Variants in TOM1 observed in about 807,000 individuals in gnomAD.
TOM1 encodes target of myb1 membrane trafficking protein.
TOM1 carries 38 observed loss-of-function variants against 61.3 expected under a neutral mutation model. The observed-to-expected ratio is 0.62, with a 90% CI of 0.48 to 0.81. TOM1 has a LOEUF of 0.81. Among genes scored for constraint, TOM1 ranks in the 40% least tolerant of loss-of-function variants. TOM1 has a pLI of 0.00. For synonymous variants in TOM1, 270 were observed against 268.8 expected, an observed-to-expected ratio of 1.00 and a Z score of -0.04; for missense variants, 591 against 659.6, an observed-to-expected ratio of 0.90 and a Z score of 1.14.
chr22:35,317,844 C>T lies in TOM1; in HGVS notation c.53-33C>T, dbSNP rs1927437189. 9 of 1,581,494 alleles carry T rather than the reference C, an allele frequency of 5.7e-6. No homozygotes were observed. The East Asian group carries it at 2.0e-4, about 35-fold the overall frequency. ...TTTGAGTTTACCCATTCAGGACCCC[C>T]TCATGACTTTATGACTCCTGGTTTC... On this transcript the variant is annotated intron_variant, in intron 1 of 14. Coordinates refer to ENST00000449058, the MANE Select transcript of TOM1 (RefSeq NM_005488.3).
At chr22:35,301,538 T>C (rs978814005) in intron 1 of TOM1, among the ~76,000 whole-genome samples, 11 of 152,222 alleles carry the variant, frequency 7.2e-5, no homozygotes, top group African/African-American at 2.7e-4. Flanking sequence ...GTGAAATTAC[T>C]CTTCATCTTT....
chr22:35,343,784 CCA>C lies in TOM1; in HGVS notation c.1225-1935_1225-1934del, dbSNP rs1324097101. ...ACCTACACATACACACCTACACACA[CCA>C]CACACCTACACCTACCCACACCTAC... is the stretch of plus-strand genomic sequence containing the variant. On this transcript the variant is annotated intron_variant, in intron 12 of 14. Coordinates refer to ENST00000449058, the MANE Select transcript of TOM1 (RefSeq NM_005488.3). Among the ~76,000 whole-genome samples the C allele has an allele frequency of 1.0e-4, 13 of 130,116 alleles. 1 individual carries two copies. The East Asian group carries it at 3.8e-3, about 38-fold the overall frequency. 85.4% of individuals were successfully genotyped at this position (130,116 alleles called of 152,430 possible).
At chr22:35,343,138 C>A (rs13057766) in intron 12 of TOM1, among the ~76,000 whole-genome samples, 1 of 133,050 alleles carries the variant, frequency 7.5e-6, no homozygotes, top group African/African-American at 2.9e-5. Flanking sequence ...ACACACACAT[C>A]TACACCCACC....
intron 1 of TOM1, among the ~76,000 whole-genome samples, chr22:35,315,569 G>A (rs73170200): frequency 6.6e-6 from 1 of 152,326 alleles, no homozygotes; most frequent in Non-Finnish European, 1.5e-5. Flanking sequence ...TCTCAGCCCT[G>A]TCAGAGGAGC....
At chr22:35,335,984 G>C (rs1406965347) in intron 11 of TOM1, among the ~76,000 whole-genome samples, 1 of 152,186 alleles carries the variant, frequency 6.6e-6, no homozygotes, top group Non-Finnish European at 1.5e-5. Flanking sequence ...TCTTCACACA[G>C]GGAAGGGGGC....
Position 35,317,877 on chromosome 22 carries a change from A to G in TOM1, c.53A>G (p.Glu18Gly). 1.9e-6 allele frequency: 3 copies of G among 1,613,950 alleles called. No individual in the cohort carries two copies. Among genetic ancestry groups the G allele is most frequent in the Non-Finnish European group, 1.7e-6 (2 of 1,179,884 alleles). Reference sequence around the variant, plus strand: ...TTTATGACTCCTGGTTTCTTCTCAGAGAAAGCCACAGATGGCTCCCTGCAG... The same window carrying G: ...TTTATGACTCCTGGTTTCTTCTCAGGGAAAGCCACAGATGGCTCCCTGCAG... ...PFSSPVGQRI[E>G]KATDGSLQSE... is the part of the protein sequence containing the mutation. Residue 18 changes from glutamate to glycine, a missense_variant and splice_region_variant, in exon 2 of 15, where the codon GAG becomes GGG. Transcript: ENST00000449058.
intron 13 of TOM1, 69 bp downstream of exon 13, chr22:35,345,853 G>A: frequency 1.3e-6 from 2 of 1,544,284 alleles, no homozygotes; most frequent in Non-Finnish European, 1.8e-6. Flanking sequence ...AATGACCCAT[G>A]GGGCCAGGGT....
intron 2 of TOM1, among the ~76,000 whole-genome samples, chr22:35,319,271 C>T (rs535353121): frequency 2.0e-5 from 3 of 152,216 alleles, no homozygotes; most frequent in Admixed American, 6.5e-5. Flanking sequence ...GGAACAGGCT[C>T]GGCGTCGGTC....
Position 35,323,286 on chromosome 22 carries a change from A to G in TOM1, c.366+109A>G. 1 of 1,475,360 alleles carries G rather than the reference A, an allele frequency of 6.8e-7. No individual in the cohort carries two copies. Among genetic ancestry groups the G allele is most frequent in the Non-Finnish European group, 9.1e-7 (1 of 1,093,322 alleles). The allele number at this position is 1,475,360 out of a possible 1,614,324, so 91.4% of individuals were successfully genotyped here. On this transcript the variant is annotated intron_variant, in intron 4 of 14. Transcript: ENST00000449058. The surrounding 1 kb of genome is among the most constrained non-coding windows in gnomAD (Gnocchi z 4.2). ...GTGTTTGTCCCAGGCTCCGCTTCTC[A>G]TTTCGGGGCGTCTCGGTTGTCGGCT...
At chr22:35,328,380 G>A (rs1231531079) in intron 7 of TOM1, among the ~76,000 whole-genome samples, 1 of 152,218 alleles carries the variant, frequency 6.6e-6, no homozygotes, top group Non-Finnish European at 1.5e-5. Context: ...CATGCACTGG[G>A]CACTTCCCGT....
At chr22:35,338,291 GT>G (rs1400074296) in intron 11 of TOM1, among the ~76,000 whole-genome samples, 3 of 152,202 alleles carry the variant, frequency 2.0e-5, no homozygotes, top group African/African-American at 7.2e-5. Context: ...TTATAGATGT[GT>G]TTTCAGCAGC....
intron 8 of TOM1, among the ~76,000 whole-genome samples, 158 bp from the exon 9 acceptor site, chr22:35,332,823 A>G (rs1928954837): frequency 1.3e-5 from 2 of 152,214 alleles, no homozygotes; most frequent in Non-Finnish European, 2.9e-5. Context: ...GACAGCAGGC[A>G]TGAACTGGAT....
intron 11 of TOM1, among the ~76,000 whole-genome samples, chr22:35,337,315 G>A (rs911896383): frequency 1.3e-5 from 2 of 152,174 alleles, no homozygotes; most frequent in East Asian, 1.9e-4. Context: ...CCCACAATGC[G>A]CCAAGCATGT....
chr22:35,304,604 A>C (rs989479454), intron 1 of TOM1, among the ~76,000 whole-genome samples: 15 of 152,072 alleles, frequency 9.9e-5, no homozygotes, highest in Admixed American at 5.2e-4. Context: ...TCAGCCTCCC[A>C]AGTAGCTGGG....
In TOM1 at chr22:35,345,712, C is replaced by T; in HGVS notation, c.1225-13C>T. 4 of 1,613,986 alleles carry T rather than the reference C, an allele frequency of 2.5e-6. No homozygotes were observed. In the Admixed American group the frequency reaches 5.0e-5, roughly 20 times the overall value. On this transcript the variant is annotated splice_polypyrimidine_tract_variant and intron_variant, in intron 12 of 14. Transcript: ENST00000449058. ...ACCTAGGGCACTGCCTTACCCTCTG[C>T]CCTTCCTTCCAGATCCCAGTCACCC...
intron 1 of TOM1, among the ~76,000 whole-genome samples, chr22:35,302,293 T>C (rs1172082369): frequency 6.6e-6 from 1 of 151,546 alleles, no homozygotes; most frequent in South Asian, 2.1e-4. Flanking sequence ...GACTCTAGAA[T>C]GTGAATTTCT....
intron 13 of TOM1, 119 bp downstream of exon 13, chr22:35,345,903 A>C: frequency 9.3e-7 from 1 of 1,074,464 alleles, no homozygotes. Context: ...GCAGAGGGGC[A>C]CACTTAAAGT....
At position 35,323,990 on chromosome 22, in the gene TOM1, A is replaced by C. The variant is rs1928090867; in HGVS notation, c.648+76A>C. The C allele has an allele frequency of 6.7e-7, 1 of 1,485,792 alleles. No individual in the cohort carries two copies. The highest frequency in any genetic ancestry group is 1.4e-5 in the African/African-American group (1 of 70,844). 92.0% of individuals were successfully genotyped at this position (1,485,792 alleles called of 1,614,324 possible). On this transcript the variant is annotated intron_variant, in intron 6 of 14. Coordinates refer to ENST00000449058, the MANE Select transcript of TOM1 (RefSeq NM_005488.3). The surrounding 1 kb of genome is among the most constrained non-coding windows in gnomAD (Gnocchi z 4.2). ...ACGTCAGGGAGGGCCCCCTGTCAGAATTTACCATCCACGGAGCCTCCACTT... is the reference window on the plus strand; with the variant it reads ...ACGTCAGGGAGGGCCCCCTGTCAGACTTTACCATCCACGGAGCCTCCACTT...
chr22:35,323,084 C>T lies in TOM1; in HGVS notation c.273C>T (p.Ser91=), dbSNP rs1256554452. The change falls in exon 4 of 15, where the codon AGC becomes AGT. Residue 91 remains serine, a synonymous_variant. Coordinates refer to ENST00000449058, the MANE Select transcript of TOM1 (RefSeq NM_005488.3). This position sits in a 1 kb window ranked among gnomAD's most constrained non-coding sequence, Gnocchi z 4.2. ...CGHRFHVLVA[S]QDFVESVLVR... Reference sequence around the variant, plus strand: ...ACCGCTTCCACGTGCTGGTGGCCAGCCAGGACTTCGTGGAGAGTGTGCTGG... The same window carrying T: ...ACCGCTTCCACGTGCTGGTGGCCAGTCAGGACTTCGTGGAGAGTGTGCTGG... The T allele has an allele frequency of 8.1e-6, 13 of 1,614,062 alleles. No individual in the cohort carries two copies. Among genetic ancestry groups the T allele is most frequent in the Non-Finnish European group, 1.1e-5 (13 of 1,180,040 alleles).
Sources: gnomAD v4.1 joint callset for allele counts (sites outside exome capture counted in the v4.1 genomes callset) on GRCh38, gnomAD v4.1.1 for gene constraint, Gnocchi (gnomAD v3.1) non-coding constraint, MANE v1.5 for transcripts, NCBI Gene and HGNC (gene_info 2026-07-23, HGNC 2026-07-21) for gene names.